NCR1: variants seen among roughly 807,000 people sequenced by gnomAD.
The protein encoded by NCR1 is natural cytotoxicity triggering receptor 1, also known as NK cell-activating receptor.
NCR1 carries 30 observed loss-of-function variants against 32.5 expected under a neutral mutation model. The observed-to-expected ratio is 0.92, with a 90% CI of 0.69 to 1.25. The LOEUF is 1.25. Ranked by LOEUF, NCR1 falls within the 50% of genes most tolerant of loss-of-function variation. The pLI is 0.00. For synonymous variants in NCR1, 169 were observed against 143.4 expected, an observed-to-expected ratio of 1.18 and a Z score of -1.28; for missense variants, 369 against 380.7, an observed-to-expected ratio of 0.97 and a Z score of 0.26.
upstream of NCR1, among the ~76,000 whole-genome samples, chr19:54,901,287 G>A (rs979737202): frequency 1.2e-4 from 17 of 147,338 alleles, no homozygotes; most frequent in Admixed American, 3.5e-4. Flanking sequence ...CATAAACCCC[G>A]GAGGCAGAGC....
downstream of NCR1, among the ~76,000 whole-genome samples, chr19:54,919,714 ACCCCCCCCCCC>A (rs2068206882): frequency 1.0e-5 from 1 of 100,002 alleles, no homozygotes; most frequent in African/African-American, 3.7e-5. Context: ...GGAAAGGGAG[ACCCCCCCCCCC>A]ACCCGCTGCC....
chr19:54,923,898 T>A, the NCR1 span: 1 of 1,608,594 alleles, frequency 6.2e-7, no homozygotes. Context: ...AACACAAATG[T>A]TCCCAGAAAT....
At chr19:54,912,098 C>T (rs886382268) in intron 5 of NCR1, 70 bp from the exon 6 acceptor site, 14 of 1,358,140 alleles carry the variant, frequency 1.0e-5, no homozygotes, top group Non-Finnish European at 1.4e-5. Context: ...ATGGGGTAGA[C>T]CCAAGGGAAG....
the NCR1 span, among the ~76,000 whole-genome samples, chr19:54,931,860 A>T: frequency 0.083 from 12,404 of 150,026 alleles, 559 homozygotes; most frequent in East Asian, 0.15. Context: ...AAAAAAAAAA[A>T]CATCCAAATG....
chr19:54,926,205 G>GGGGTGTGTGTGTGT, the NCR1 span, among the ~76,000 whole-genome samples: 13 of 143,642 alleles, frequency 9.1e-5, no homozygotes, highest in Non-Finnish European at 1.7e-4. Context: ...AATGATTAGG[G>GGGGTGTGTGTGTGT]GTGTGTGTGT....
the NCR1 span, among the ~76,000 whole-genome samples, chr19:54,924,567 C>T: frequency 6.6e-6 from 1 of 152,060 alleles, no homozygotes; most frequent in Non-Finnish European, 1.5e-5. Context: ...GAGGTTGCAA[C>T]GAGCTAGAGA....
At chr19:54,931,422 G>A in the NCR1 span, among the ~76,000 whole-genome samples, 1 of 152,068 alleles carries the variant, frequency 6.6e-6, no homozygotes, top group South Asian at 2.1e-4. Flanking sequence ...GGGCACGATG[G>A]CTCACACCTG....
At chr19:54,930,666 C>A in the NCR1 span, 1 of 1,613,208 alleles carries the variant, frequency 6.2e-7, no homozygotes, top group Non-Finnish European at 8.5e-7. Context: ...ATTGCTGTAA[C>A]CTACAGGATA....
the NCR1 span, among the ~76,000 whole-genome samples, chr19:54,900,957 T>C: frequency 6.6e-6 from 1 of 151,888 alleles, no homozygotes; most frequent in South Asian, 2.1e-4. Flanking sequence ...TTGTATGGCA[T>C]GTAAATTATA....
chr19:54,901,681 A>G (rs1213669094), upstream of NCR1, among the ~76,000 whole-genome samples: 1 of 152,138 alleles, frequency 6.6e-6, no homozygotes, highest in Admixed American at 6.6e-5. Flanking sequence ...TTATTTTTTA[A>G]AGGAGGCTGG....
At chr19:54,916,112 A>G (rs269918), downstream of NCR1, 1 of 151,386 alleles carries the variant, frequency 6.6e-6, no homozygotes, top group African/African-American at 2.4e-5. Flanking sequence ...GTGTAATCCT[A>G]TGCTTAATAA....
upstream of NCR1, among the ~76,000 whole-genome samples, chr19:54,904,531 C>CTTT (rs1556717280): frequency 1.7e-5 from 2 of 118,994 alleles, no homozygotes; most frequent in Non-Finnish European, 3.5e-5. Flanking sequence ...GTTTTCTTTT[C>CTTT]TTTTTTTTTT....
downstream of NCR1, among the ~76,000 whole-genome samples, chr19:54,918,565 C>T (rs1379025906): frequency 6.6e-6 from 1 of 152,090 alleles, no homozygotes; most frequent in Non-Finnish European, 1.5e-5. Context: ...TGAGCGACCA[C>T]ACTGGCCTAA....
At chr19:54,906,864 A>C in intron 3 of NCR1, 57 bp downstream of exon 3, 1 of 1,572,638 alleles carries the variant, frequency 6.4e-7, no homozygotes, top group Non-Finnish European at 8.7e-7. Flanking sequence ...GGGATGCAGC[A>C]TCATCTATGA....
At chr19:54,900,960 A>T in the NCR1 span, among the ~76,000 whole-genome samples, 1 of 151,972 alleles carries the variant, frequency 6.6e-6, no homozygotes, top group Non-Finnish European at 1.5e-5. Context: ...TATGGCATGT[A>T]AATTATATCT....
chr19:54,900,826 G>A, the NCR1 span, among the ~76,000 whole-genome samples: 2,740 of 152,162 alleles, frequency 0.018, 77 homozygotes, highest in African/African-American at 0.062. Context: ...GCAGCTGGTC[G>A]GCATGGGGTT....
chr19:54,918,329 G>A (rs967549136), downstream of NCR1, among the ~76,000 whole-genome samples: 1 of 151,630 alleles, frequency 6.6e-6, no homozygotes, highest in Admixed American at 6.6e-5. Flanking sequence ...GCAGTGTCGT[G>A]GCCTCAGCTC....
chr19:54,919,210 A>G (rs2068192222), downstream of NCR1, among the ~76,000 whole-genome samples: 1 of 150,614 alleles, frequency 6.6e-6, no homozygotes, highest in Admixed American at 6.7e-5. Context: ...AGAAATAAAG[A>G]CACAAGACAA....
the NCR1 span, among the ~76,000 whole-genome samples, chr19:54,937,592 AG>A: frequency 2.5e-3 from 370 of 148,202 alleles, 3 homozygotes; most frequent in Non-Finnish European, 1.9e-3. Context: ...ACTCTGTCTC[AG>A]AAAAAATAAA....
Sources: allele counts gnomAD v4.1 joint callset (sites outside exome capture counted in the v4.1 genomes callset), GRCh38; gene constraint gnomAD v4.1.1; transcripts MANE v1.5; gene names NCBI Gene and HGNC (gene_info 2026-07-23, HGNC 2026-07-21).